STMP1: variants seen among roughly 807,000 people sequenced by gnomAD.
The protein encoded by STMP1 is short transmembrane mitochondrial protein 1, also known as mitolamban.
Under a neutral mutation model 7.0 loss-of-function variants are expected in STMP1, and 7 were observed. The ratio of observed to expected loss-of-function variants is 1.01; its 90% CI spans 0.57 to 1.89. STMP1 has a LOEUF of 1.89. Among genes scored for constraint, STMP1 ranks in the 40% most tolerant of loss-of-function variants. The pLI is 0.00. For synonymous variants in STMP1, 19 were observed against 18.4 expected, an observed-to-expected ratio of 1.03 and a Z score of -0.08; for missense variants, 45 against 53.0, an observed-to-expected ratio of 0.85 and a Z score of 0.47.
chr7:135,675,157 AT>A lies in STMP1; in HGVS notation c.*995del, dbSNP rs1344843943. ...TGTATTGTTTTTAAATTAAAAAAAA[AT>A]TTGAATAATTAACTTTTGCCATGGG... On this transcript the variant is annotated 3_prime_UTR_variant, in exon 3 of 3. Transcript: ENST00000507606. 2.0e-5 allele frequency: 3 copies of A among 148,460 alleles called. No individual in the cohort carries two copies. The highest frequency in any genetic ancestry group is 5.0e-5 in the African/African-American group (2 of 39,714). The allele number at this position is 148,460 out of a possible 1,614,324, so 9.2% of individuals were successfully genotyped here. A position where few individuals can be genotyped will look rare whatever the true frequency, so the allele number is the denominator to read the frequency against.
At chr7:135,669,893 A>C (rs1242592257) in intron 1 of STMP1, among the ~76,000 whole-genome samples, 3 of 152,172 alleles carry the variant, frequency 2.0e-5, no homozygotes, top group Admixed American at 6.5e-5. Context: ...TGTAGTTTGG[A>C]TTGAGTTGGG....
At chr7:135,671,088 G>C (rs1159270940) in intron 1 of STMP1, among the ~76,000 whole-genome samples, 1 of 151,986 alleles carries the variant, frequency 6.6e-6, no homozygotes, top group South Asian at 2.1e-4. Context: ...TTCCTACCTG[G>C]TTTCAACCCA....
intron 1 of STMP1, among the ~76,000 whole-genome samples, chr7:135,663,454 C>T (rs1206929114): frequency 1.3e-5 from 2 of 151,908 alleles, no homozygotes; most frequent in South Asian, 4.2e-4. Flanking sequence ...AACCGATTCT[C>T]CCTCCTCGGC....
rs1351135693 is a variant in STMP1 at position 135,668,564 on chromosome 7, G to A, written c.16-4189G>A. On this transcript the variant is annotated intron_variant, in intron 1 of 2. Transcript: ENST00000507606. ...ACTACAGATGTATGCCACCACATCC[G>A]GCTAGTTTTGCATTTTGTTGGTAGA... is the stretch of plus-strand genomic sequence containing the variant. Among the ~76,000 whole-genome samples, 6 of 152,206 alleles carry A rather than the reference G, an allele frequency of 3.9e-5. No individual in the cohort carries two copies. In the South Asian group the frequency reaches 6.2e-4, roughly 16 times the overall value.
intron 1 of STMP1, among the ~76,000 whole-genome samples, chr7:135,672,113 G>A (rs995723149): frequency 6.6e-6 from 1 of 152,128 alleles, no homozygotes; most frequent in Non-Finnish European, 1.5e-5. Flanking sequence ...CCGAATAGCT[G>A]GGATTACAGA....
rs556660259 is a variant in STMP1, at chr7:135,662,577, A to T, written c.-3A>T. On this transcript the variant is annotated 5_prime_UTR_variant, in exon 1 of 3. Transcript: ENST00000507606. ...CGCCCTCCTCGCCCTCCCCACCGAC[A>T]TCATGCTCCAGTTCCTGGTGAGTGG... 6.5e-7 allele frequency: 1 copy of T among 1,547,864 alleles called. No homozygotes were observed. Among genetic ancestry groups the T allele is most frequent in the Admixed American group, 2.0e-5 (1 of 50,748 alleles).
At chr7:135,664,242 C>T (rs1456181436) in intron 1 of STMP1, among the ~76,000 whole-genome samples, 2 of 151,750 alleles carry the variant, frequency 1.3e-5, no homozygotes, top group African/African-American at 2.4e-5. Context: ...ATCTGTTGCT[C>T]ATTGATAAAC....
chr7:135,671,456 A>G (rs1028452940), intron 1 of STMP1, among the ~76,000 whole-genome samples: 1 of 152,182 alleles, frequency 6.6e-6, no homozygotes, highest in Non-Finnish European at 1.5e-5. Flanking sequence ...AAAGAAAATG[A>G]TGAAAAAAAT....
intron 1 of STMP1, among the ~76,000 whole-genome samples, chr7:135,669,800 C>G (rs1055764668): frequency 5.3e-5 from 8 of 152,342 alleles, no homozygotes; most frequent in Admixed American, 5.2e-4. Flanking sequence ...TGATTATTCA[C>G]ACTAAAGTGT....
At chr7:135,672,604 C>T in intron 1 of STMP1, 149 bp from the exon 2 acceptor site, 1 of 582,660 alleles carries the variant, frequency 1.7e-6, no homozygotes, top group Non-Finnish European at 3.0e-6. Flanking sequence ...AAATGTGACT[C>T]TCATGTTGTA....
chr7:135,666,915 T>G (rs1447739347), intron 1 of STMP1, among the ~76,000 whole-genome samples: 1 of 152,262 alleles, frequency 6.6e-6, no homozygotes, highest in Non-Finnish European at 1.5e-5. Context: ...ATGTGGTATC[T>G]TTATGCTCAA....
chr7:135,669,722 A>G (rs1292514003), intron 1 of STMP1, among the ~76,000 whole-genome samples: 1 of 152,250 alleles, frequency 6.6e-6, no homozygotes, highest in Non-Finnish European at 1.5e-5. Flanking sequence ...GGTGTGAGAC[A>G]TATTCTCCAG....
chr7:135,665,779 C>T (rs527731529), intron 1 of STMP1: 1 of 152,194 alleles, frequency 6.6e-6, no homozygotes, highest in South Asian at 2.1e-4. Context: ...GCTACTGCTT[C>T]CTTAATCGTA....
chr7:135,662,910 G>A (rs942907883), intron 1 of STMP1, among the ~76,000 whole-genome samples: 1 of 152,240 alleles, frequency 6.6e-6, no homozygotes, highest in Non-Finnish European at 1.5e-5. Flanking sequence ...AAGCTTGTGT[G>A]GTCCTTGATG....
At chr7:135,668,855 T>G (rs557016966) in intron 1 of STMP1, among the ~76,000 whole-genome samples, 1 of 152,252 alleles carries the variant, frequency 6.6e-6, no homozygotes, top group Non-Finnish European at 1.5e-5. Context: ...GCCTTGATTT[T>G]CCACATTCAG....
At position 135,672,792 on chromosome 7, in the gene STMP1, G is replaced by T. The variant is rs533539942; in HGVS notation, c.55G>T (p.Ala19Ser). ...TLGNVVGMYL[A>S]QNYDIPNLAK... Reference sequence around the variant, plus strand: ...GGGCAACGTGGTTGGAATGTATCTGGCTCAGAACTATGATGTAAGTGGCCA... The same window carrying T: ...GGGCAACGTGGTTGGAATGTATCTGTCTCAGAACTATGATGTAAGTGGCCA... Residue 19 changes from alanine (A) to serine (S), a missense_variant, in exon 2 of 3, where the codon GCT becomes TCT. By Grantham distance (99) the Ala-to-Ser change is moderately conservative. Coordinates refer to ENST00000507606, the MANE Select transcript of STMP1 (RefSeq NM_001130929.2). 4 of 1,551,520 alleles carry T rather than the reference G, an allele frequency of 2.6e-6. No individual in the cohort carries two copies. The East Asian group carries it at 7.3e-5, about 28-fold the overall frequency.
chr7:135,671,295 C>T (rs1291742174), intron 1 of STMP1, among the ~76,000 whole-genome samples: 2 of 152,128 alleles, frequency 1.3e-5, no homozygotes, highest in Non-Finnish European at 2.9e-5. Flanking sequence ...TTAAAGTGTA[C>T]TAAGGACCCA....
chr7:135,667,008 T>C (rs1795301940), intron 1 of STMP1, among the ~76,000 whole-genome samples: 1 of 152,240 alleles, frequency 6.6e-6, no homozygotes, highest in African/African-American at 2.4e-5. Flanking sequence ...GGCTTCAATT[T>C]CTCCACATCC....
chr7:135,666,851 G>A (rs1206190047), intron 1 of STMP1, among the ~76,000 whole-genome samples: 2 of 152,194 alleles, frequency 1.3e-5, no homozygotes, highest in Non-Finnish European at 2.9e-5. Flanking sequence ...GCTTTTGTGT[G>A]GATATGTATT....
Sources: allele counts gnomAD v4.1 joint callset (sites outside exome capture counted in the v4.1 genomes callset), GRCh38; gene constraint gnomAD v4.1.1; transcripts MANE v1.5; gene names NCBI Gene and HGNC (gene_info 2026-07-23, HGNC 2026-07-21).